Variants in ZNF695 observed in about 807,000 individuals in gnomAD.
The protein encoded by ZNF695 is zinc finger protein 695.
In ZNF695, 11 loss-of-function variants were observed where a neutral mutation model predicts 11.2. That is an observed-to-expected ratio of 0.98 (90% CI 0.62 to 1.62). The LOEUF (loss-of-function observed/expected upper bound fraction) is 1.62, where lower values mean the gene tolerates loss of function less well. ZNF695 is among the 40% of genes most tolerant of loss of function. The pLI, the probability that ZNF695 is intolerant of heterozygous loss-of-function variation, is 0.00. For synonymous variants in ZNF695, 190 were observed against 201.4 expected, an observed-to-expected ratio of 0.94 and a Z score of 0.48; for missense variants, 559 against 590.5, an observed-to-expected ratio of 0.95 and a Z score of 0.55.
intron 4 of ZNF695, among the ~76,000 whole-genome samples, chr1:246,971,085 G>T (rs539870526): frequency 6.6e-6 from 1 of 152,310 alleles, no homozygotes; most frequent in South Asian, 2.1e-4. Flanking sequence ...ATGCATGGCT[G>T]CGCTGTTATT....
chr1:247,003,356 C>G (rs1362209407), intron 1 of ZNF695, among the ~76,000 whole-genome samples: 2 of 152,132 alleles, frequency 1.3e-5, no homozygotes, highest in South Asian at 2.1e-4. Flanking sequence ...GAACAGAGAA[C>G]CAAATACTGC....
chr1:246,945,620 A>C (rs1451208819), downstream of ZNF695: 6 of 647,974 alleles, frequency 9.3e-6, no homozygotes. Context: ...AGATATCTCA[A>C]TAAAAACCAA....
chr1:246,965,683 G>A (rs1668272314), intron 5 of ZNF695, among the ~76,000 whole-genome samples: 1 of 151,968 alleles, frequency 6.6e-6, no homozygotes, highest in Non-Finnish European at 1.5e-5. Flanking sequence ...GGTGCAATGA[G>A]CTGAGATCGT....
At chr1:246,945,938 G>T in intron 5 of ZNF695, 1 of 1,353,248 alleles carries the variant, frequency 7.4e-7, no homozygotes, top group Non-Finnish European at 1.0e-6. Context: ...TTCCATTGGA[G>T]AAGTCTGTCT....
chr1:246,947,206 G>GGTT (rs1558300051), intron 5 of ZNF695, among the ~76,000 whole-genome samples: 26 of 124,996 alleles, frequency 2.1e-4, no homozygotes, highest in Non-Finnish European at 3.5e-4. Flanking sequence ...TGGGGGGGTG[G>GGTT]TTTTTTTTTT....
chr1:247,004,440 A>T (rs961049709), intron 1 of ZNF695, among the ~76,000 whole-genome samples: 2 of 152,154 alleles, frequency 1.3e-5, no homozygotes, highest in Non-Finnish European at 2.9e-5. Flanking sequence ...GTATAAAAGG[A>T]GCATACACAG....
At chr1:246,990,795 T>C (rs1669008921) in intron 3 of ZNF695, among the ~76,000 whole-genome samples, 2 of 152,104 alleles carry the variant, frequency 1.3e-5, no homozygotes, top group South Asian at 4.1e-4. Flanking sequence ...AAAACTAGAA[T>C]GAAAAGAGGA....
chr1:246,991,178 AAAAC>A (rs1285431543), intron 3 of ZNF695, among the ~76,000 whole-genome samples: 1 of 152,182 alleles, frequency 6.6e-6, no homozygotes, highest in African/African-American at 2.4e-5. Context: ...AGTTTTTTGA[AAAAC>A]AAAATTGAGA....
rs889925973 is a variant in ZNF695, at chr1:246,985,781, T to C, written c.*1186A>G. On this transcript the variant is annotated 3_prime_UTR_variant, in exon 4 of 4. Transcript: ENST00000339986. ...TCTGAAGACCTATCTCATGAATCAC[T>C]TACAACCCTATTATAAGACAAGTAC... 1 of 985,314 alleles carries C rather than the reference T, an allele frequency of 1.0e-6. No individual in the cohort carries two copies. The highest frequency in any genetic ancestry group is 1.2e-6 in the Non-Finnish European group (1 of 829,938). 61.0% of individuals were successfully genotyped at this position (985,314 alleles called of 1,614,324 possible). A position where few individuals can be genotyped will look rare whatever the true frequency, so the allele number is the denominator to read the frequency against.
intron 3 of ZNF695, among the ~76,000 whole-genome samples, chr1:246,993,627 G>A (rs1352677345): frequency 1.3e-5 from 2 of 151,878 alleles, no homozygotes; most frequent in Admixed American, 6.6e-5. Context: ...GGTACTTAAC[G>A]CCCCAAAAAG....
chr1:246,959,350 T>A (rs1186663391), intron 5 of ZNF695, among the ~76,000 whole-genome samples: 3 of 98,368 alleles, frequency 3.0e-5, no homozygotes, highest in African/African-American at 8.0e-5. Flanking sequence ...TATATATATA[T>A]AAAATCTCTT....
intron 5 of ZNF695, among the ~76,000 whole-genome samples, chr1:246,947,986 T>C (rs1667781287): frequency 6.6e-6 from 1 of 152,194 alleles, no homozygotes; most frequent in South Asian, 2.1e-4. Flanking sequence ...GGAAGGATAA[T>C]GTGGTATTGG....
chr1:247,005,107 C>T (rs1290043486), intron 1 of ZNF695, among the ~76,000 whole-genome samples: 1 of 151,968 alleles, frequency 6.6e-6, no homozygotes, highest in Non-Finnish European at 1.5e-5. Flanking sequence ...TTTGGAACCA[C>T]AAAAGACTAA....
At chr1:246,998,468 C>T (rs939219745) in intron 3 of ZNF695, among the ~76,000 whole-genome samples, 1 of 152,156 alleles carries the variant, frequency 6.6e-6, no homozygotes, top group African/African-American at 2.4e-5. Flanking sequence ...AAGTAAACGA[C>T]ATTAGATTTT....
Position 246,976,793 on chromosome 1 carries a change from CAAATAAAT to C in ZNF695, c.391-9009_391-9002del, listed in dbSNP as rs569407542. On this transcript the variant is annotated intron_variant, in intron 4 of 5. Coordinates refer to the ZNF695 transcript ENST00000487338. ...TGGGCGACAGAGCGAAACTCCGTCT[CAAATAAAT>C]AAATAAATAAATAAATAACACTGAA... Among the ~76,000 whole-genome samples the C allele has an allele frequency of 7.9e-5, 12 of 151,510 alleles. No homozygotes were observed. The East Asian group carries it at 1.4e-3, about 17-fold the overall frequency.
chr1:246,998,977 AATATATATATATATATATATATATATAT>A (rs6143721), intron 3 of ZNF695, among the ~76,000 whole-genome samples: 1 of 144,278 alleles, frequency 6.9e-6, no homozygotes, highest in South Asian at 2.4e-4. Flanking sequence ...CAAGAAAACA[AATATATATATATATATATATATATATAT>A]ATATATATAT....
intron 4 of ZNF695, among the ~76,000 whole-genome samples, chr1:246,972,209 G>A (rs1468307940): frequency 1.3e-5 from 2 of 152,182 alleles, no homozygotes; most frequent in African/African-American, 4.8e-5. Flanking sequence ...CTACTAACCA[G>A]GCCTCCTAGG....
intron 3 of ZNF695, among the ~76,000 whole-genome samples, chr1:246,997,486 G>C (rs915674320): frequency 6.6e-6 from 1 of 151,410 alleles, no homozygotes; most frequent in Non-Finnish European, 1.5e-5. Context: ...CTGGGCGACA[G>C]AGCGAGACTC....
chr1:246,995,406 G>A (rs143986644), intron 3 of ZNF695, among the ~76,000 whole-genome samples: 4,022 of 152,220 alleles, frequency 0.026, 74 homozygotes, highest in South Asian at 0.043. Flanking sequence ...ATCCTCTCAA[G>A]TTCACAATTT....
Sources: gnomAD v4.1 joint callset for allele counts (sites outside exome capture counted in the v4.1 genomes callset) on GRCh38, gnomAD v4.1.1 for gene constraint, MANE v1.5 for transcripts, NCBI Gene and HGNC (gene_info 2026-07-23, HGNC 2026-07-21) for gene names.